PLEKHH3: variants seen among roughly 807,000 people sequenced by gnomAD.
PLEKHH3 encodes pleckstrin homology, MyTH4 and FERM domain containing H3, also known as pleckstrin homology domain-containing family H member 3.
In PLEKHH3, 57 loss-of-function variants were observed where a neutral mutation model predicts 77.8. The ratio of observed to expected loss-of-function variants is 0.73; its 90% CI spans 0.59 to 0.91. The LOEUF is 0.91. Among genes scored for constraint, PLEKHH3 ranks in the 40% least tolerant of loss-of-function variants. PLEKHH3 has a pLI of 0.00. For synonymous variants in PLEKHH3, 467 were observed against 504.8 expected, an observed-to-expected ratio of 0.93 and a Z score of 1.00; for missense variants, 1,082 against 1,091.2, an observed-to-expected ratio of 0.99 and a Z score of 0.12.
chr17:42,675,689 G>A (rs1425792726), intron 1 of PLEKHH3, among the ~76,000 whole-genome samples: 2 of 152,212 alleles, frequency 1.3e-5, no homozygotes, highest in African/African-American at 4.8e-5. Flanking sequence ...CAGTGTGCAG[G>A]AGGGATGGGG....
chr17:42,670,477 C>G, intron 10 of PLEKHH3, 96 bp downstream of exon 10: 1 of 1,520,670 alleles, frequency 6.6e-7, no homozygotes, highest in Non-Finnish European at 8.8e-7. Flanking sequence ...TCAAGCCTCC[C>G]GCGGGGCTGC....
At chr17:42,669,701 C>T (rs940776608) in intron 11 of PLEKHH3, 80 bp from the exon 12 acceptor site, 2 of 1,478,830 alleles carry the variant, frequency 1.4e-6, no homozygotes, top group Admixed American at 2.0e-5. Flanking sequence ...TGTCTGTGAG[C>T]AGGAGTATCC....
chr17:42,673,976 C>G lies in PLEKHH3; in HGVS notation c.256G>C (p.Glu86Gln), dbSNP rs766880296. 1.9e-6 allele frequency: 3 copies of G among 1,613,542 alleles called. No individual in the cohort carries two copies. Among genetic ancestry groups the G allele is most frequent in the Non-Finnish European group, 2.5e-6 (3 of 1,179,942 alleles). Residue 86 changes from glutamate to glutamine, a missense_variant, in exon 3 of 13, where the codon GAG becomes CAG. This residue lies in a region of PLEKHH3 where 344 missense variants were observed against 320.8 expected (regional missense o/e 1.07). Coordinates refer to ENST00000591022, the MANE Select transcript of PLEKHH3 (RefSeq NM_024927.5). ...GGGTCGTCCTCCGGCAGCCCTTTCTCCGGGATGAGGCTCCAAGTCTCCTCC... is the reference window on the plus strand; with the variant it reads ...GGGTCGTCCTCCGGCAGCCCTTTCTGCGGGATGAGGCTCCAAGTCTCCTCC... The part of the protein sequence containing the change: ...SWEETWSLIP[E>Q]KGLPEDDPDI...
Position 42,671,509 on chromosome 17 carries a change from T to A in PLEKHH3, c.1126A>T (p.Ile376Phe). 1 of 1,613,006 alleles carries A rather than the reference T, an allele frequency of 6.2e-7. No homozygotes were observed. The highest frequency in any genetic ancestry group is 8.5e-7 in the Non-Finnish European group (1 of 1,179,958). Residue 376 changes from isoleucine to phenylalanine, a missense_variant, in exon 8 of 13, where the codon ATC becomes TTC. Coordinates refer to ENST00000591022, the MANE Select transcript of PLEKHH3 (RefSeq NM_024927.5). The surrounding 1 kb of genome is among the most constrained non-coding windows in gnomAD (Gnocchi z 4.7). Reference sequence around the variant, plus strand: ...CGCGTCCGGCCCAGCGCTTTCCGGATGAAGCGCGCATATTCCGCCAGTTCC... The same window carrying A: ...CGCGTCCGGCCCAGCGCTTTCCGGAAGAAGCGCGCATATTCCGCCAGTTCC... ...DSELAEYARFIRKALGRTRGR... is the reference protein window; with the variant it reads ...DSELAEYARFFRKALGRTRGR...
intron 11 of PLEKHH3, 109 bp from the exon 12 acceptor site, chr17:42,669,730 C>T: frequency 6.8e-7 from 1 of 1,460,748 alleles, no homozygotes; most frequent in African/African-American, 1.4e-5. Flanking sequence ...CTATGATTCA[C>T]AGCACGTGTG....
In PLEKHH3 at chr17:42,674,423, CG is replaced by C; in HGVS notation, c.163-15del. The C allele has an allele frequency of 6.3e-7, 1 of 1,578,164 alleles. No homozygotes were observed. On this transcript the variant is annotated splice_polypyrimidine_tract_variant and intron_variant, in intron 1 of 12. Transcript: ENST00000591022. ...TTCCAGGGGACCCTGGGGAGACAGG[CG>C]GGGAAGCCCTCAGGGTCAGAGCCCT...
Position 42,668,276 on chromosome 17 carries a change from C to T in PLEKHH3, c.2233G>A (p.Ala745Thr). Residue 745 changes from alanine to threonine, a missense_variant, in exon 13 of 13, where the codon GCC (alanine) becomes ACC (threonine). Around this residue, in one of 3 missense-constraint regions of PLEKHH3, gnomAD observed 733 missense variants for 750.0 expected, o/e 0.98. Coordinates refer to ENST00000591022, the MANE Select transcript of PLEKHH3 (RefSeq NM_024927.5). ...TCGGGGGAGGGGTTGGCCAAGTAGGCATTCACCAGCTGCATGATCTCTTCC... is the reference window on the plus strand; with the variant it reads ...TCGGGGGAGGGGTTGGCCAAGTAGGTATTCACCAGCTGCATGATCTCTTCC... ...QVEEIMQLVNAYLANPSPERP... is the reference protein window; with the variant it reads ...QVEEIMQLVNTYLANPSPERP... 6.4e-7 allele frequency: 1 copy of T among 1,554,960 alleles called. No individual in the cohort carries two copies. The highest frequency in any genetic ancestry group is 8.6e-7 in the Non-Finnish European group (1 of 1,158,536).
rs2052601212 is a variant in PLEKHH3, at chr17:42,668,323, A to G, written c.2206-20T>C. The G allele has an allele frequency of 3.3e-6, 5 of 1,497,296 alleles. No homozygotes were observed. Among genetic ancestry groups the G allele is most frequent in the African/African-American group, 1.5e-5 (1 of 68,040 alleles). 92.8% of individuals were successfully genotyped at this position (1,497,296 alleles called of 1,614,324 possible). ...TTCCACCTAAGAGAGGGCAGAGGTC[A>G]GTGTGCAACAGGGGCTGCCAGGTTC... On this transcript the variant is annotated intron_variant, in intron 12 of 12. Coordinates refer to ENST00000591022, the MANE Select transcript of PLEKHH3 (RefSeq NM_024927.5).
In PLEKHH3 at chr17:42,676,836, A is replaced by T; in HGVS notation, c.-273T>A. ...GAGGGAGCAATGTCCGGAGCTGGGA[A>T]GTAGTGTCCGTTGGAGTGTCCAGCC... On this transcript the variant is annotated 5_prime_UTR_variant, in exon 1 of 13. Coordinates refer to ENST00000591022, the MANE Select transcript of PLEKHH3 (RefSeq NM_024927.5). This position sits in a 1 kb window ranked among gnomAD's most constrained non-coding sequence, Gnocchi z 6.6. 1.9e-6 allele frequency: 1 copy of T among 521,486 alleles called. No individual in the cohort carries two copies. Among genetic ancestry groups the T allele is most frequent in the Non-Finnish European group, 3.5e-6 (1 of 289,022 alleles). 32.3% of individuals were successfully genotyped at this position (521,486 alleles called of 1,614,324 possible). A position where few individuals can be genotyped will look rare whatever the true frequency, so the allele number is the denominator to read the frequency against.
At chr17:42,674,216 C>A in intron 2 of PLEKHH3, 138 bp downstream of exon 2, 1 of 1,199,304 alleles carries the variant, frequency 8.3e-7, no homozygotes, top group Non-Finnish European at 1.1e-6. Flanking sequence ...CGGACCGCCC[C>A]CCGGGACCCC....
Position 42,673,530 on chromosome 17 carries a change from G to C in PLEKHH3, c.517C>G (p.Arg173Gly). 6.3e-7 allele frequency: 1 copy of C among 1,598,104 alleles called. No homozygotes were observed. ...TGLWSVTVSGRKHSVRLCSPR... is the reference protein window; with the variant it reads ...TGLWSVTVSGGKHSVRLCSPR... ...GAGCAGAGGCGGACACTGTGTTTCC[G>C]ACCAGACACAGTCACTGACCACAGA... The change falls in exon 5 of 13, where the codon CGG (arginine) becomes GGG (glycine). Residue 173 changes from arginine to glycine, a missense_variant. Physicochemically the swap from Arg to Gly is moderately radical, Grantham distance 125. Transcript: ENST00000591022.
chr17:42,669,610 C>G lies in PLEKHH3; in HGVS notation c.2025G>C (p.Arg675=). 1 of 1,604,990 alleles carries G rather than the reference C, an allele frequency of 6.2e-7. No homozygotes were observed. Among genetic ancestry groups the G allele is most frequent in the African/African-American group, 1.3e-5 (1 of 74,862 alleles). ...DVLELSTEPG[R]GAPQKLCLGL... ...CCAGGCACAGCTTCTGTGGAGCACCCCGACCAGGCTCCTGCAGACAGAGAG... is the reference window on the plus strand; with the variant it reads ...CCAGGCACAGCTTCTGTGGAGCACCGCGACCAGGCTCCTGCAGACAGAGAG... Residue 675 remains arginine (R), a synonymous_variant, in exon 12 of 13, where the codon CGG becomes CGC. Coordinates refer to ENST00000591022, the MANE Select transcript of PLEKHH3 (RefSeq NM_024927.5).
At position 42,670,214 on chromosome 17, in the gene PLEKHH3, G is replaced by A; in HGVS notation, c.1717C>T (p.Pro573Ser). The A allele has an allele frequency of 8.2e-7, 1 of 1,213,928 alleles. No individual in the cohort carries two copies. The highest frequency in any genetic ancestry group is 4.0e-5 in the South Asian group (1 of 25,230). 75.2% of individuals were successfully genotyped at this position (1,213,928 alleles called of 1,614,324 possible). A position where few individuals can be genotyped will look rare whatever the true frequency, so the allele number is the denominator to read the frequency against. The change falls in exon 11 of 13, where the codon CCG becomes TCG. Residue 573 changes from proline (P) to serine (S), a missense_variant. Pro to Ser is a moderately conservative substitution (Grantham distance 74). Around this residue, in one of 3 missense-constraint regions of PLEKHH3, gnomAD observed 733 missense variants for 750.0 expected, o/e 0.98. Transcript: ENST00000591022. ...LPPPAPPREDPPRPTPRPPPS... is the reference protein window; with the variant it reads ...LPPPAPPREDSPRPTPRPPPS... Reference sequence around the variant, plus strand: ...GGCGGCCTGGGGGTCGGGCGGGGCGGGTCTTCGCGCGGCGGGGCCGGGGGC... The same window carrying A: ...GGCGGCCTGGGGGTCGGGCGGGGCGAGTCTTCGCGCGGCGGGGCCGGGGGC...
intron 10 of PLEKHH3, 29 bp downstream of exon 10, chr17:42,670,544 T>C (rs746753788): frequency 3.1e-6 from 5 of 1,596,338 alleles, no homozygotes; most frequent in South Asian, 1.1e-5. Context: ...GGGGGTCTGT[T>C]TGGAGGCGTG....
In PLEKHH3 at chr17:42,670,663, G is replaced by A; in HGVS notation, c.1464C>T (p.Ser488=). The A allele has an allele frequency of 1.2e-6, 2 of 1,613,122 alleles. No homozygotes were observed. The highest frequency in any genetic ancestry group is 1.7e-6 in the Non-Finnish European group (2 of 1,179,848). ...GAAGACGCAGACATAGTCTCCACCC[G>A]GAGTCGGGCGAGTCCTCCAACCCAG... The part of the protein sequence containing the change: ...EEAGLEDSPD[S]GWRLCLRLHG... Residue 488 remains serine, a synonymous_variant, in exon 10 of 13, where the codon TCC becomes TCT. Transcript: ENST00000591022.
At chr17:42,669,362 T>C in intron 12 of PLEKHH3, 68 bp downstream of exon 12, 5 of 1,431,408 alleles carry the variant, frequency 3.5e-6, no homozygotes, top group Non-Finnish European at 4.6e-6. Flanking sequence ...CCAGGTTTGG[T>C]GTTCTGTAAA....
Position 42,673,948 on chromosome 17 carries a change from T to A in PLEKHH3, c.284A>T (p.Asp95Val), listed in dbSNP as rs767654099. The change falls in exon 3 of 13, where the codon GAC (aspartate) becomes GTC (valine). Residue 95 changes from aspartate to valine, a missense_variant. Around this residue, in one of 3 missense-constraint regions of PLEKHH3, gnomAD observed 344 missense variants for 320.8 expected, o/e 1.07. Transcript: ENST00000591022. ...GGGGTCTCTACCTTTCACAACGATGTCCGGGTCGTCCTCCGGCAGCCCTTT... is the reference window on the plus strand; with the variant it reads ...GGGGTCTCTACCTTTCACAACGATGACCGGGTCGTCCTCCGGCAGCCCTTT... ...PEKGLPEDDPDIVVKGWLYRE... is the reference protein window; with the variant it reads ...PEKGLPEDDPVIVVKGWLYRE... 1 of 1,613,448 alleles carries A rather than the reference T, an allele frequency of 6.2e-7. No homozygotes were observed. Among genetic ancestry groups the A allele is most frequent in the South Asian group, 1.1e-5 (1 of 91,076 alleles).
intron 11 of PLEKHH3, 21 bp downstream of exon 11, chr17:42,669,897 C>A (rs2052645462): frequency 6.2e-7 from 1 of 1,612,598 alleles, no homozygotes; most frequent in Non-Finnish European, 8.5e-7. Flanking sequence ...CCAGAGTCCC[C>A]TTCTCCCTTC....
Position 42,669,637 on chromosome 17 carries a change from CAG to C in PLEKHH3, c.2014-18_2014-17del. ...GACCAGGCTCCTGCAGACAGAGAGG[CAG>C]AGTCAGGGTGGAAGGAGGAGCCCAG... On this transcript the variant is annotated splice_polypyrimidine_tract_variant and intron_variant, in intron 11 of 12. Coordinates refer to ENST00000591022, the MANE Select transcript of PLEKHH3 (RefSeq NM_024927.5). The C allele has an allele frequency of 6.3e-7, 1 of 1,594,026 alleles. No individual in the cohort carries two copies. The highest frequency in any genetic ancestry group is 2.3e-5 in the East Asian group (1 of 44,376).
Sources: gnomAD v4.1 joint callset for allele counts (sites outside exome capture counted in the v4.1 genomes callset) on GRCh38, gnomAD v4.1.1 for gene constraint, gnomAD v4.1.1 regional missense constraint, Gnocchi (gnomAD v3.1) non-coding constraint, MANE v1.5 for transcripts, NCBI Gene and HGNC (gene_info 2026-07-23, HGNC 2026-07-21) for gene names.